Variants in HIPK3 observed in about 807,000 individuals in gnomAD.
The protein encoded by HIPK3 is homeodomain-interacting protein kinase 3.
A neutral mutation model predicts 124.2 loss-of-function variants in HIPK3; 47 were observed. That is an observed-to-expected ratio of 0.38 (90% CI 0.30 to 0.48). The LOEUF (loss-of-function observed/expected upper bound fraction) is 0.48. HIPK3 is among the 20% of genes least tolerant of loss of function. The probability of loss-of-function intolerance (pLI) is 0.98; values close to 1 mark genes in which losing one functional copy is unlikely to be tolerated. For missense variants in HIPK3, 1,286 were observed against 1,454.3 expected (o/e 0.88, Z 1.88); for synonymous variants, 482 against 515.2 (o/e 0.94, Z 0.87).
chr11:33,312,931 G>A (rs1852394305), intron 2 of HIPK3, among the ~76,000 whole-genome samples: 1 of 152,222 alleles, frequency 6.6e-6, no homozygotes, highest in Non-Finnish European at 1.5e-5. Context: ...GAGTTTGTAA[G>A]TAATTGCCAG....
intron 2 of HIPK3, among the ~76,000 whole-genome samples, chr11:33,316,345 C>T (rs1852502704): frequency 6.6e-6 from 1 of 152,200 alleles, no homozygotes; most frequent in African/African-American, 2.4e-5. Flanking sequence ...TCTGTATTTT[C>T]ATAAATTTTA....
chr11:33,326,684 T>C (rs541963687), intron 2 of HIPK3, among the ~76,000 whole-genome samples: 1,688 of 150,586 alleles, frequency 0.011, 28 homozygotes, highest in African/African-American at 0.035. Context: ...TTTTTTTTTT[T>C]CCCCCGAGAC....
chr11:33,302,342 C>CTTTTTTTTTTTTTTTTTTTTTTT (rs58735030), intron 2 of HIPK3, among the ~76,000 whole-genome samples: 5 of 135,706 alleles, frequency 3.7e-5, no homozygotes, highest in Non-Finnish European at 7.7e-5. Flanking sequence ...TTCCTTACTT[C>CTTTTTTTTTTTTTTTTTTTTTTT]TTTTTTTTTT....
At chr11:33,273,474 AC>A (rs71034666) in intron 1 of HIPK3, among the ~76,000 whole-genome samples, 137,752 of 137,758 alleles carry the variant, frequency 1, 68,873 homozygotes, top group Middle Eastern at 1. Flanking sequence ...ACGCCACTGC[AC>A]CTCCAGCCTG....
chr11:33,262,779 G>A (rs1261046542), intron 1 of HIPK3, among the ~76,000 whole-genome samples: 1 of 151,880 alleles, frequency 6.6e-6, no homozygotes, highest in African/African-American at 2.4e-5. Context: ...TTTTATATTT[G>A]TTCTTTTCTC....
chr11:33,349,101 ATCT>A (rs749374180), intron 13 of HIPK3, 43 bp from the exon 14 acceptor site: 8 of 1,574,668 alleles, frequency 5.1e-6, no homozygotes, highest in South Asian at 1.1e-5. Flanking sequence ...TTTGGAGAGT[ATCT>A]TCTTGTATTT....
intron 2 of HIPK3, among the ~76,000 whole-genome samples, chr11:33,306,165 G>A (rs945517375): frequency 1.3e-5 from 2 of 152,168 alleles, no homozygotes; most frequent in African/African-American, 4.8e-5. Flanking sequence ...AACATTTATA[G>A]ATAACTCTTT....
chr11:33,317,915 T>A (rs1852553384), intron 2 of HIPK3, among the ~76,000 whole-genome samples: 1 of 152,202 alleles, frequency 6.6e-6, no homozygotes, highest in African/African-American at 2.4e-5. Context: ...TAAAAAGATG[T>A]TACAGTCGTC....
intron 3 of HIPK3, 113 bp from the exon 4 acceptor site, chr11:33,336,962 G>A: frequency 1.6e-6 from 1 of 640,572 alleles, no homozygotes; most frequent in Non-Finnish European, 2.6e-6. Context: ...TGCATTTCTT[G>A]AGGGCATAGA....
chr11:33,268,339 A>C (rs1851028036), intron 1 of HIPK3, among the ~76,000 whole-genome samples: 1 of 152,186 alleles, frequency 6.6e-6, no homozygotes, highest in African/African-American at 2.4e-5. Context: ...TCAAGCCTGT[A>C]ATCCTAGCAC....
rs535328561 is a variant in HIPK3 at position 33,287,098 on chromosome 11, G to C, written c.684G>C (p.Leu228Phe). 1 of 1,614,180 alleles carries C rather than the reference G, an allele frequency of 6.2e-7. No individual in the cohort carries two copies. Among genetic ancestry groups the C allele is most frequent in the Non-Finnish European group, 8.5e-7 (1 of 1,180,024 alleles). ...ATGAAATTGTAGCAATCAAAATTTT[G>C]AAGAATCATCCTTCTTATGCCCGTC... is the stretch of plus-strand genomic sequence containing the variant. The part of the protein sequence containing the change: ...GTNEIVAIKI[L>F]KNHPSYARQG... The change falls in exon 2 of 17, where the codon TTG (leucine) becomes TTC (phenylalanine). Residue 228 changes from leucine to phenylalanine, a missense_variant. This residue lies in a region of HIPK3 where 251 missense variants were observed against 349.1 expected (regional missense o/e 0.72). Transcript: ENST00000303296.
chr11:33,281,219 G>A (rs774319106), intron 1 of HIPK3, among the ~76,000 whole-genome samples: 71 of 151,980 alleles, frequency 4.7e-4, no homozygotes, highest in Non-Finnish European at 9.0e-4. Context: ...ACAGGCGTGC[G>A]CCACCACACC....
intron 8 of HIPK3, among the ~76,000 whole-genome samples, chr11:33,344,932 G>A (rs1477868286): frequency 6.6e-6 from 1 of 152,122 alleles, no homozygotes; most frequent in Non-Finnish European, 1.5e-5. Context: ...CCTTCAGAAT[G>A]TGTCAATCCA....
intron 8 of HIPK3, among the ~76,000 whole-genome samples, chr11:33,346,104 G>A (rs1014368725): frequency 1.3e-5 from 2 of 152,062 alleles, no homozygotes; most frequent in African/African-American, 2.4e-5. Context: ...TCTGATCTTC[G>A]GGGATGTCCC....
intron 2 of HIPK3, among the ~76,000 whole-genome samples, chr11:33,311,975 TACACACAC>T (rs71034672): frequency 7.3e-6 from 1 of 136,970 alleles, no homozygotes; most frequent in African/African-American, 2.7e-5. Flanking sequence ...ACCCTGTTTC[TACACACAC>T]ACACACACAC....
chr11:33,295,575 G>C (rs1475294798), intron 2 of HIPK3, among the ~76,000 whole-genome samples: 1 of 152,242 alleles, frequency 6.6e-6, no homozygotes. Flanking sequence ...TAGTACCCAG[G>C]TTAAGGCCCG....
chr11:33,267,157 C>G (rs1228385196), intron 1 of HIPK3, among the ~76,000 whole-genome samples: 1 of 151,492 alleles, frequency 6.6e-6, no homozygotes, highest in African/African-American at 2.4e-5. Flanking sequence ...GGGTCTTGCT[C>G]TGTCCCCCAG....
chr11:33,325,132 G>T (rs569068141), intron 2 of HIPK3, among the ~76,000 whole-genome samples: 1 of 152,290 alleles, frequency 6.6e-6, no homozygotes, highest in East Asian at 1.9e-4. Flanking sequence ...TATTCTTGTT[G>T]TCACCATCAG....
intron 2 of HIPK3, among the ~76,000 whole-genome samples, chr11:33,305,233 C>CTTAA (rs1364226537): frequency 6.6e-6 from 1 of 152,036 alleles, no homozygotes; most frequent in Non-Finnish European, 1.5e-5. Context: ...AACTCCTGAC[C>CTTAA]TTAAGTGATC....
Sources: allele counts gnomAD v4.1 joint callset (sites outside exome capture counted in the v4.1 genomes callset), GRCh38; gene constraint gnomAD v4.1.1; regional missense constraint gnomAD v4.1.1; transcripts MANE v1.5; gene names NCBI Gene and HGNC (gene_info 2026-07-23, HGNC 2026-07-21).